NFATC3: variants seen among roughly 807,000 people sequenced by gnomAD.
The protein encoded by NFATC3 is nuclear factor of activated T-cells, cytoplasmic 3.
NFATC3 carries 46 observed loss-of-function variants against 98.6 expected under a neutral mutation model. That is an observed-to-expected ratio of 0.47 (90% CI 0.37 to 0.60). The LOEUF is 0.60. NFATC3 is among the 20% of genes least tolerant of loss of function. The pLI is 0.00. For missense variants in NFATC3, 1,256 were observed against 1,295.5 expected (o/e 0.97, Z 0.47); for synonymous variants, 512 against 472.2 (o/e 1.08, Z -1.09).
At chr16:68,205,663 C>G (rs190006769) in intron 9 of NFATC3, among the ~76,000 whole-genome samples, 2 of 152,122 alleles carry the variant, frequency 1.3e-5, no homozygotes, top group Non-Finnish European at 2.9e-5. Flanking sequence ...ATTGGAGTTA[C>G]TAGTTTCTTG....
intron 1 of NFATC3, among the ~76,000 whole-genome samples, chr16:68,087,794 T>TA (rs2034472190): frequency 2.0e-5 from 3 of 152,206 alleles, no homozygotes; most frequent in Non-Finnish European, 4.4e-5. Context: ...ATAAATAGGA[T>TA]AATATAATAT....
intron 5 of NFATC3, among the ~76,000 whole-genome samples, chr16:68,167,608 A>C (rs181581368): frequency 3.1e-4 from 47 of 152,136 alleles, no homozygotes; most frequent in Non-Finnish European, 5.9e-4. Context: ...AAATATTGAG[A>C]CTAATACTTG....
intron 6 of NFATC3, among the ~76,000 whole-genome samples, chr16:68,178,561 A>G (rs2039819786): frequency 6.6e-6 from 1 of 152,204 alleles, no homozygotes; most frequent in Non-Finnish European, 1.5e-5. Flanking sequence ...GCACCTATAA[A>G]CAAATAAATG....
chr16:68,105,523 G>A (rs995035425), intron 1 of NFATC3, among the ~76,000 whole-genome samples: 1 of 152,140 alleles, frequency 6.6e-6, no homozygotes, highest in Non-Finnish European at 1.5e-5. Context: ...CAGTTTGCTA[G>A]TGTATATTTT....
rs974784548 is a variant in NFATC3, at chr16:68,191,358, C to T, written c.2689C>T (p.Pro897Ser). 7 of 1,614,030 alleles carry T rather than the reference C, an allele frequency of 4.3e-6. No homozygotes were observed. Among genetic ancestry groups the T allele is most frequent in the Non-Finnish European group, 5.9e-6 (7 of 1,180,024 alleles). ...SNTGQRSLSSPVADQITGQPS... is the reference protein window; with the variant it reads ...SNTGQRSLSSSVADQITGQPS... ...TACAGGACAAAGATCTCTTTCTTCT[C>T]CAGTGGCTGACCAGATTACAGGTCA... Residue 897 changes from proline to serine, a missense_variant, in exon 9 of 10, where the codon CCA (proline) becomes TCA (serine). Transcript: ENST00000346183.
chr16:68,186,475 G>C (rs1356005857), intron 8 of NFATC3, among the ~76,000 whole-genome samples: 1 of 152,148 alleles, frequency 6.6e-6, no homozygotes, highest in East Asian at 1.9e-4. Context: ...AGGAGGCGGA[G>C]CTTGCAGTGA....
At chr16:68,136,983 G>T (rs2037449200) in intron 3 of NFATC3, among the ~76,000 whole-genome samples, 1 of 152,110 alleles carries the variant, frequency 6.6e-6, no homozygotes, top group African/African-American at 2.4e-5. Context: ...AGTTGCTCTG[G>T]GTGAATCAGT....
intron 3 of NFATC3, among the ~76,000 whole-genome samples, chr16:68,136,477 C>G (rs921700214): frequency 2.0e-5 from 3 of 152,150 alleles, no homozygotes; most frequent in Admixed American, 6.5e-5. Context: ...CCATGTTGGG[C>G]AGGCTGGTTT....
chr16:68,125,942 G>C (rs2036813635), intron 2 of NFATC3, among the ~76,000 whole-genome samples: 1 of 151,774 alleles, frequency 6.6e-6, no homozygotes, highest in South Asian at 2.1e-4. Context: ...GGCCAGGCTG[G>C]AGTGCAGTGG....
chr16:68,198,712 C>T (rs1008834538), intron 9 of NFATC3, among the ~76,000 whole-genome samples: 1 of 152,018 alleles, frequency 6.6e-6, no homozygotes, highest in African/African-American at 2.4e-5. Context: ...GAGTTCTAGA[C>T]CAGCCTGGGC....
chr16:68,137,689 CTG>C (rs1364436157), intron 3 of NFATC3, among the ~76,000 whole-genome samples: 3 of 151,492 alleles, frequency 2.0e-5, no homozygotes, highest in Admixed American at 1.3e-4. Context: ...TCTCCGCTCA[CTG>C]CAAGCTCCGC....
At chr16:68,183,177 T>G in intron 7 of NFATC3, 63 bp from the exon 8 acceptor site, 1 of 1,511,364 alleles carries the variant, frequency 6.6e-7, no homozygotes, top group Non-Finnish European at 8.8e-7. Flanking sequence ...AGTTGTGATG[T>G]GTTTAACAGG....
chr16:68,178,263 G>A (rs370169842), intron 6 of NFATC3, among the ~76,000 whole-genome samples: 12 of 152,180 alleles, frequency 7.9e-5, no homozygotes, highest in African/African-American at 1.9e-4. Flanking sequence ...TTACAAACTA[G>A]TTTTTCTCTC....
Position 68,122,738 on chromosome 16 carries a change from GTCCCTTTCACCCCA to G in NFATC3, c.858_871del (p.Ser288ThrfsTer43). 1 of 1,614,192 alleles carries G rather than the reference GTCCCTTTCACCCCA, an allele frequency of 6.2e-7. No individual in the cohort carries two copies. The highest frequency in any genetic ancestry group is 8.5e-7 in the Non-Finnish European group (1 of 1,180,044). On this transcript the variant is annotated frameshift_variant, in exon 2 of 10. Coordinates refer to ENST00000346183, the MANE Select transcript of NFATC3 (RefSeq NM_173165.3). LOFTEE classifies it high-confidence loss of function. ...CCAGTGCTGAAGTTTGTTATGCTGG[GTCCCTTTCACCCCA>G]TCACTCACCTGTTCCTTCACCTGGT...
intron 9 of NFATC3, among the ~76,000 whole-genome samples, chr16:68,224,243 A>G (rs989196871): frequency 9.4e-5 from 13 of 138,578 alleles, no homozygotes; most frequent in African/African-American, 2.7e-4. Flanking sequence ...TTACTATTCT[A>G]TGTTCAGTAC....
intron 9 of NFATC3, among the ~76,000 whole-genome samples, chr16:68,207,892 A>G (rs1349324320): frequency 6.6e-6 from 1 of 151,774 alleles, no homozygotes; most frequent in Non-Finnish European, 1.5e-5. Flanking sequence ...TCCATTTTTA[A>G]AATAATAGCC....
At chr16:68,213,839 C>G (rs2151164507) in intron 9 of NFATC3, among the ~76,000 whole-genome samples, 1 of 152,136 alleles carries the variant, frequency 6.6e-6, no homozygotes, top group African/African-American at 2.4e-5. Flanking sequence ...AAAAAAAATA[C>G]TCTTCCATGA....
Position 68,122,936 on chromosome 16 carries a change from A to G in NFATC3, c.1053A>G (p.Leu351=). ...CTTCTGAAGATCAAGCTGCCATACT[A>G]CCAGGAAAATTAGAGCTGTGTTCAG... ...RKTSEDQAAI[L]PGKLELCSDD... The change falls in exon 2 of 10, where the codon CTA becomes CTG. Residue 351 remains leucine (L), a synonymous_variant. Coordinates refer to ENST00000346183, the MANE Select transcript of NFATC3 (RefSeq NM_173165.3). 2 of 1,614,192 alleles carry G rather than the reference A, an allele frequency of 1.2e-6. No homozygotes were observed. The highest frequency in any genetic ancestry group is 1.7e-6 in the Non-Finnish European group (2 of 1,180,030).
At position 68,226,312 on chromosome 16, in the gene NFATC3, A is replaced by C. The variant is rs745999662; in HGVS notation, c.3107-38A>C. 8.4e-6 allele frequency: 13 copies of C among 1,549,700 alleles called. No individual in the cohort carries two copies. The South Asian group carries it at 1.6e-4, about 19-fold the overall frequency. ...TTGGGCATCATATGGCTAATCACTC[A>C]GAGGTCACTAATCACTCTCCCTTTT... On this transcript the variant is annotated intron_variant, in intron 9 of 9. Transcript: ENST00000346183.
Sources: gnomAD v4.1 joint callset for allele counts (sites outside exome capture counted in the v4.1 genomes callset) on GRCh38, gnomAD v4.1.1 for gene constraint, MANE v1.5 for transcripts, NCBI Gene and HGNC (gene_info 2026-07-23, HGNC 2026-07-21) for gene names.